The following PSMF1 variants were observed in gnomAD, a reference collection of about 807,000 sequenced individuals.
PSMF1 encodes the protein proteasome inhibitor PI31 subunit.
A neutral mutation model predicts 29.3 loss-of-function variants in PSMF1; 30 were observed. The observed-to-expected ratio is 1.02, with a 90% CI of 0.77 to 1.39. PSMF1 has a LOEUF of 1.39. PSMF1 is among the 40% of genes most tolerant of loss of function. The probability of loss-of-function intolerance (pLI) is 0.00; values close to 1 mark genes in which losing one functional copy is unlikely to be tolerated. For missense variants in PSMF1, 344 were observed against 357.5 expected (o/e 0.96, Z 0.31); for synonymous variants, 134 against 139.7 (o/e 0.96, Z 0.29).
chr20:1,166,477 G>C lies in PSMF1; in HGVS notation c.*1397G>C. 1 of 590,722 alleles carries C rather than the reference G, an allele frequency of 1.7e-6. No individual in the cohort carries two copies. The highest frequency in any genetic ancestry group is 2.0e-5 in the South Asian group (1 of 50,342). The allele number at this position is 590,722 out of a possible 1,614,324, so 36.6% of individuals were successfully genotyped here. ...TGAGGTATCTGCCAGGCTGTTTTCTGTAGCCTCAGATTGCCTATCTGCTTA... is the reference window on the plus strand; with the variant it reads ...TGAGGTATCTGCCAGGCTGTTTTCTCTAGCCTCAGATTGCCTATCTGCTTA... On this transcript the variant is annotated 3_prime_UTR_variant, in exon 7 of 7. Transcript: ENST00000335877.
upstream of PSMF1, among the ~76,000 whole-genome samples, chr20:1,114,020 A>G (rs2085992747): frequency 6.6e-6 from 1 of 151,982 alleles, no homozygotes; most frequent in African/African-American, 2.4e-5. Flanking sequence ...GGCATGGCTT[A>G]CCCCCGGTCA....
At chr20:1,116,773 G>T (rs1568460077), upstream of PSMF1, among the ~76,000 whole-genome samples, 2 of 151,512 alleles carry the variant, frequency 1.3e-5, no homozygotes, top group South Asian at 2.1e-4. Flanking sequence ...TTAATGCTTT[G>T]CAGGAAAAAA....
In PSMF1 at chr20:1,125,302, C is replaced by T. The variant is rs140238654; in HGVS notation, c.130-196C>T. On this transcript the variant is annotated intron_variant, in intron 1 of 6. Coordinates refer to ENST00000335877, the MANE Select transcript of PSMF1 (RefSeq NM_006814.5). Reference sequence around the variant, plus strand: ...AAAGGTAGCTCAATATGAGGGAGAGCGCAGTAGAACAGAAGCCCAGAGACC... The same window carrying T: ...AAAGGTAGCTCAATATGAGGGAGAGTGCAGTAGAACAGAAGCCCAGAGACC... Among the ~76,000 whole-genome samples the T allele has an allele frequency of 2.5e-4, 38 of 152,274 alleles. 1 individual carries two copies. Among genetic ancestry groups the T allele is most frequent in the African/African-American group, 8.4e-4 (35 of 41,548 alleles).
intron 4 of PSMF1, among the ~76,000 whole-genome samples, chr20:1,135,518 A>C (rs768317541): frequency 2.0e-5 from 3 of 152,176 alleles, no homozygotes; most frequent in Non-Finnish European, 4.4e-5. Flanking sequence ...CCAAAATCCT[A>C]AGCCTGCCTG....
intron 2 of PSMF1, among the ~76,000 whole-genome samples, chr20:1,126,189 C>G (rs1377562412): frequency 3.9e-5 from 6 of 152,282 alleles, no homozygotes; most frequent in Admixed American, 3.9e-4. Context: ...TTTTATTTTC[C>G]TGCCTGACAC....
rs2086703185 is a variant in PSMF1 at position 1,164,409 on chromosome 20, C to G, written c.697C>G (p.Pro233Ala). 4 of 1,614,084 alleles carry G rather than the reference C, an allele frequency of 2.5e-6. No homozygotes were observed. The South Asian group carries it at 4.4e-5, about 18-fold the overall frequency. The change falls in exon 6 of 7, where the codon CCT (proline) becomes GCT (alanine). Residue 233 changes from proline (P) to alanine (A), a missense_variant. By Grantham distance (27) the Pro-to-Ala change is conservative. Transcript: ENST00000335877. The surrounding 1 kb of genome is among the most constrained non-coding windows in gnomAD (Gnocchi z 4.1). ...TTCCTCAGGCCTCCCGAACCGACTT[C>G]CTCCAGGCGCTGTGCCCCCAGGAGC... is the stretch of plus-strand genomic sequence containing the variant. ...DPSSGLPNRL[P>A]PGAVPPGARF...
At chr20:1,159,159 A>G (rs1271081624) in intron 4 of PSMF1, among the ~76,000 whole-genome samples, 1 of 152,160 alleles carries the variant, frequency 6.6e-6, no homozygotes, top group East Asian at 1.9e-4. Flanking sequence ...ATATGAGCCA[A>G]CTGAATATGT....
rs1380686425 is a variant in PSMF1 at position 1,167,431 on chromosome 20, G to A, written c.*2351G>A. 6.6e-6 allele frequency: 1 copy of A among 152,172 alleles called. No homozygotes were observed. The highest frequency in any genetic ancestry group is 1.5e-5 in the Non-Finnish European group (1 of 68,028). 9.4% of individuals were successfully genotyped at this position (152,172 alleles called of 1,614,324 possible). On this transcript the variant is annotated 3_prime_UTR_variant, in exon 7 of 7. Coordinates refer to ENST00000335877, the MANE Select transcript of PSMF1 (RefSeq NM_006814.5). ...TCAGTGGATTTAGTATGTTCACAGTGTTGCACATCCACCACCATTTCTAAT... is the reference window on the plus strand; with the variant it reads ...TCAGTGGATTTAGTATGTTCACAGTATTGCACATCCACCACCATTTCTAAT...
At chr20:1,147,138 C>T (rs1423605203) in intron 4 of PSMF1, among the ~76,000 whole-genome samples, 4 of 120,596 alleles carry the variant, frequency 3.3e-5, no homozygotes, top group African/African-American at 9.3e-5. Context: ...TTTCCGTTAT[C>T]ATCATCATCA....
At position 1,124,078 on chromosome 20, in the gene PSMF1, G is replaced by A. The variant is rs144695095; in HGVS notation, c.130-1420G>A. ...AGGTTATTAATTTCTTTCCTTTGCA[G>A]CCATGGCAAATGTCTCTTCCTAGCC... is the stretch of plus-strand genomic sequence containing the variant. On this transcript the variant is annotated intron_variant, in intron 1 of 6. Coordinates refer to ENST00000335877, the MANE Select transcript of PSMF1 (RefSeq NM_006814.5). 2.6e-3 allele frequency among the ~76,000 whole-genome samples: 399 copies of A among 152,230 alleles called. 3 individuals are homozygous for A. The highest frequency in any genetic ancestry group is 4.8e-3 in the Non-Finnish European group (325 of 68,018).
At position 1,146,420 on chromosome 20, in the gene PSMF1, C is replaced by T. The variant is rs78131900; in HGVS notation, c.551+11114C>T. ...AAAAATGATTTGTCTGGAATCCTAG[C>T]ATATACCAGCTGTGGAGGGTGGGGC... On this transcript the variant is annotated intron_variant, in intron 4 of 6. Coordinates refer to ENST00000335877, the MANE Select transcript of PSMF1 (RefSeq NM_006814.5). Among the ~76,000 whole-genome samples, 762 of 152,120 alleles carry T rather than the reference C, an allele frequency of 5.0e-3. 9 individuals carry two copies. Among genetic ancestry groups the T allele is most frequent in the African/African-American group, 0.017 (711 of 41,484 alleles).
intron 1 of PSMF1, among the ~76,000 whole-genome samples, chr20:1,120,029 C>G (rs553385217): frequency 1.3e-5 from 2 of 152,134 alleles, no homozygotes; most frequent in Non-Finnish European, 2.9e-5. Context: ...TCTCTTCAAA[C>G]TTGCTTTGTA....
chr20:1,121,720 T>C (rs1221970805), intron 1 of PSMF1, among the ~76,000 whole-genome samples: 2 of 152,190 alleles, frequency 1.3e-5, no homozygotes, highest in African/African-American at 4.8e-5. Context: ...ATTGTCTGCT[T>C]TCTCTTAGGT....
rs773253648 is a variant in PSMF1 at position 1,165,606 on chromosome 20, T to A, written c.*526T>A. On this transcript the variant is annotated 3_prime_UTR_variant, in exon 7 of 7. Coordinates refer to ENST00000335877, the MANE Select transcript of PSMF1 (RefSeq NM_006814.5). ...TTCTTGCTTCTCAGGCACCTTCCGT[T>A]TATTAATTGCCATTGCTCCTGACAT... 98 of 994,826 alleles carry A rather than the reference T, an allele frequency of 9.9e-5. No homozygotes were observed. Among genetic ancestry groups the A allele is most frequent in the Non-Finnish European group, 1.1e-4 (93 of 835,392 alleles). 61.6% of individuals were successfully genotyped at this position (994,826 alleles called of 1,614,324 possible).
intron 4 of PSMF1, among the ~76,000 whole-genome samples, chr20:1,140,936 C>T (rs2086372727): frequency 6.6e-6 from 1 of 152,124 alleles, no homozygotes; most frequent in African/African-American, 2.4e-5. Context: ...TAAGAACAAC[C>T]TAAATGTCTA....
intron 4 of PSMF1, among the ~76,000 whole-genome samples, chr20:1,155,384 G>C (rs2086581927): frequency 6.6e-6 from 1 of 152,206 alleles, no homozygotes; most frequent in South Asian, 2.1e-4. Context: ...AAGAGGACCT[G>C]TGGTCTCAAG....
chr20:1,122,712 G>T (rs897565721), intron 1 of PSMF1, among the ~76,000 whole-genome samples: 1 of 152,200 alleles, frequency 6.6e-6, no homozygotes, highest in Non-Finnish European at 1.5e-5. Context: ...GGTTTACAGG[G>T]CAGTTGCAGA....
At chr20:1,124,343 T>A (rs2086126335) in intron 1 of PSMF1, among the ~76,000 whole-genome samples, 1 of 152,214 alleles carries the variant, frequency 6.6e-6, no homozygotes, top group South Asian at 2.1e-4. Flanking sequence ...ATAAAAGATG[T>A]ATTTTACACC....
In PSMF1 at chr20:1,135,231, C is replaced by A; in HGVS notation, c.476C>A (p.Pro159His). ...GTAAGCAGTCCCCACCGGGAGTTCC[C>A]CCCTGCTACCGCCAGAGAGGTGGAC... is the stretch of plus-strand genomic sequence containing the variant. Reference protein sequence around the residue: ...ANVSSPHREFPPATAREVDPL... With the variant: ...ANVSSPHREFHPATAREVDPL... Residue 159 changes from proline to histidine, a missense_variant, in exon 4 of 7, where the codon CCC becomes CAC. Coordinates refer to ENST00000335877, the MANE Select transcript of PSMF1 (RefSeq NM_006814.5). 6.2e-7 allele frequency: 1 copy of A among 1,614,092 alleles called. No homozygotes were observed. The highest frequency in any genetic ancestry group is 8.5e-7 in the Non-Finnish European group (1 of 1,180,002).
Sources: allele counts gnomAD v4.1 joint callset (sites outside exome capture counted in the v4.1 genomes callset), GRCh38; gene constraint gnomAD v4.1.1; non-coding constraint Gnocchi (gnomAD v3.1); transcripts MANE v1.5; gene names NCBI Gene and HGNC (gene_info 2026-07-23, HGNC 2026-07-21).